Variants in CDH23 observed in about 807,000 individuals in gnomAD.
CDH23 encodes cadherin related 23.
A neutral mutation model predicts 317.1 loss-of-function variants in CDH23; 189 were observed. The observed-to-expected ratio is 0.60, with a 90% CI of 0.53 to 0.67. The LOEUF (loss-of-function observed/expected upper bound fraction) is 0.67, where lower values mean the gene tolerates loss of function less well. Ranked by LOEUF, CDH23 falls within the 30% of genes least tolerant of loss-of-function variation. The pLI, the probability that CDH23 is intolerant of heterozygous loss-of-function variation, is 0.00. For missense variants in CDH23, 4,401 were observed against 4,592.4 expected (o/e 0.96, Z 1.20); for synonymous variants, 1,839 against 1,876.8 (o/e 0.98, Z 0.52).
chr10:71,695,044 G>A (rs1286718090), intron 21 of CDH23, among the ~76,000 whole-genome samples: 1 of 152,202 alleles, frequency 6.6e-6, no homozygotes, highest in Non-Finnish European at 1.5e-5. Flanking sequence ...AGGTGAGCAG[G>A]GAAATTGCTT....
At position 71,436,379 on chromosome 10, in the gene CDH23, GC is replaced by G. The variant is rs1849620244; in HGVS notation, c.-5-3447del. The stretch of plus-strand genomic sequence containing the variant: ...AAAGGCATTATGCATGCATGTGTAT[GC>G]AGGCGCTCACTTTTTGGCAGACATT... On this transcript the variant is annotated intron_variant, in intron 1 of 69. Coordinates refer to ENST00000224721, the MANE Select transcript of CDH23 (RefSeq NM_022124.6). 2.0e-5 allele frequency among the ~76,000 whole-genome samples: 3 copies of G among 152,382 alleles called. No homozygotes were observed. In the South Asian group the frequency reaches 6.2e-4, roughly 32 times the overall value.
chr10:71,414,853 A>G (rs1848472070), intron 1 of CDH23, among the ~76,000 whole-genome samples: 1 of 152,236 alleles, frequency 6.6e-6, no homozygotes, highest in Non-Finnish European at 1.5e-5. Flanking sequence ...GGAAAGTTAT[A>G]AAGTACAGTT....
chr10:71,752,789 C>T (rs1410911449), intron 38 of CDH23, among the ~76,000 whole-genome samples: 1 of 152,160 alleles, frequency 6.6e-6, no homozygotes, highest in Non-Finnish European at 1.5e-5. Flanking sequence ...CAGAGCTCAG[C>T]CTGCTGAGTC....
intron 26 of CDH23, chr10:71,707,322 G>T: frequency 7.0e-7 from 1 of 1,422,030 alleles, no homozygotes; most frequent in South Asian, 1.6e-5. Flanking sequence ...GTTCATTCTA[G>T]AGGGAGGTAA....
In CDH23 at chr10:71,761,739, C is replaced by T. The variant is rs760303333; in HGVS notation, c.4846-15941C>T. 13 of 1,614,066 alleles carry T rather than the reference C, an allele frequency of 8.1e-6. 1 individual carries two copies. The highest frequency in any genetic ancestry group is 3.3e-4 in the Middle Eastern group (2 of 6,062). On this transcript the variant is annotated intron_variant, in intron 38 of 69. Coordinates refer to ENST00000224721, the MANE Select transcript of CDH23 (RefSeq NM_022124.6). Reference sequence around the variant, plus strand: ...GTGATGGAGAAGTTGCCATGGTGGTCGGAGGCCGACTCCAGCCCGTGGCGC... The same window carrying T: ...GTGATGGAGAAGTTGCCATGGTGGTTGGAGGCCGACTCCAGCCCGTGGCGC...
At chr10:71,522,756 G>A (rs1212183844) in intron 6 of CDH23, among the ~76,000 whole-genome samples, 2 of 152,180 alleles carry the variant, frequency 1.3e-5, no homozygotes, top group Non-Finnish European at 2.9e-5. Context: ...GGCTGGATGG[G>A]TGAAGAGGAA....
At chr10:71,534,524 T>C (rs1855591910) in intron 6 of CDH23, among the ~76,000 whole-genome samples, 1 of 152,178 alleles carries the variant, frequency 6.6e-6, no homozygotes, top group South Asian at 2.1e-4. Context: ...CCCTACACTT[T>C]CTTGAAATAC....
At chr10:71,698,050 CTA>C (rs1336417610) in intron 22 of CDH23, among the ~76,000 whole-genome samples, 2 of 152,158 alleles carry the variant, frequency 1.3e-5, no homozygotes, top group African/African-American at 4.8e-5. Flanking sequence ...GCTTTAGTAA[CTA>C]TGAAATTTAG....
intron 3 of CDH23, among the ~76,000 whole-genome samples, chr10:71,465,177 CAT>C (rs1851183900): frequency 6.6e-6 from 1 of 152,262 alleles, no homozygotes; most frequent in Non-Finnish European, 1.5e-5. Flanking sequence ...TGGGCAGCCA[CAT>C]GTGTTGAGTG....
chr10:71,776,111 G>T (rs1840811268), intron 38 of CDH23, among the ~76,000 whole-genome samples: 1 of 152,162 alleles, frequency 6.6e-6, no homozygotes, highest in African/African-American at 2.4e-5. Flanking sequence ...AGACAGAAAA[G>T]GTCCAGAGAG....
chr10:71,549,001 T>G (rs1249776323), intron 6 of CDH23, among the ~76,000 whole-genome samples: 2 of 152,132 alleles, frequency 1.3e-5, no homozygotes. Context: ...CAGTTAACAG[T>G]GTTAGGTGAT....
intron 6 of CDH23, among the ~76,000 whole-genome samples, chr10:71,547,099 C>G (rs571741340): frequency 6.6e-6 from 1 of 152,262 alleles, no homozygotes; most frequent in Non-Finnish European, 1.5e-5. Flanking sequence ...ATGGACCCAC[C>G]CCAAGGAGCT....
intron 41 of CDH23, among the ~76,000 whole-genome samples, chr10:71,779,831 G>T (rs779338266): frequency 2.0e-5 from 3 of 152,252 alleles, no homozygotes; most frequent in Non-Finnish European, 4.4e-5. Context: ...CACCAAGGGA[G>T]CGCCTGGCTT....
intron 14 of CDH23, among the ~76,000 whole-genome samples, chr10:71,668,810 A>G (rs536502261): frequency 6.6e-6 from 1 of 152,316 alleles, no homozygotes; most frequent in African/African-American, 2.4e-5. Context: ...GGCTCCTCCA[A>G]TCACCTTGTA....
rs146309944 is a variant in CDH23, at chr10:71,499,135, G to A, written c.146-10947G>A. 4.0e-3 allele frequency among the ~76,000 whole-genome samples: 615 copies of A among 152,290 alleles called. 1 individual carries two copies. Among genetic ancestry groups the A allele is most frequent in the Non-Finnish European group, 6.5e-3 (439 of 68,026 alleles). ...GGAATTGAAGATCATCATGTTAAGT[G>A]AAATAAGCCAGGCACAGAAAGACAA... On this transcript the variant is annotated intron_variant, in intron 3 of 69. Coordinates refer to ENST00000224721, the MANE Select transcript of CDH23 (RefSeq NM_022124.6).
intron 1 of CDH23, among the ~76,000 whole-genome samples, chr10:71,437,099 G>A (rs964186900): frequency 6.6e-6 from 1 of 152,194 alleles, no homozygotes; most frequent in Non-Finnish European, 1.5e-5. Flanking sequence ...TCATGTGTTC[G>A]ATTGGCAGCC....
chr10:71,401,576 C>T (rs1847784018), intron 1 of CDH23, among the ~76,000 whole-genome samples: 1 of 152,146 alleles, frequency 6.6e-6, no homozygotes, highest in Non-Finnish European at 1.5e-5. Flanking sequence ...CCTTGCTGTA[C>T]TCTGGACTCT....
chr10:71,708,921 C>T (rs1865878418), intron 26 of CDH23, among the ~76,000 whole-genome samples, 177 bp from the exon 27 acceptor site: 1 of 152,198 alleles, frequency 6.6e-6, no homozygotes, highest in South Asian at 2.1e-4. Context: ...CTGGCACCCC[C>T]GCTGAGCCCA....
At chr10:71,511,300 G>A in intron 6 of CDH23, 88 bp downstream of exon 6, 1 of 1,216,610 alleles carries the variant, frequency 8.2e-7, no homozygotes. Flanking sequence ...CAGGTGGGGA[G>A]AGCAGCTGTG....
Sources: gnomAD v4.1 joint callset for allele counts (sites outside exome capture counted in the v4.1 genomes callset) on GRCh38, gnomAD v4.1.1 for gene constraint, MANE v1.5 for transcripts, NCBI Gene and HGNC (gene_info 2026-07-23, HGNC 2026-07-21) for gene names.